Variants in SYDE2 observed in about 807,000 individuals in gnomAD.
The protein encoded by SYDE2 is synapse defective Rho GTPase homolog 2.
SYDE2 carries 76 observed loss-of-function variants against 91.5 expected under a neutral mutation model. The ratio of observed to expected loss-of-function variants is 0.83; its 90% CI spans 0.69 to 1.01. The LOEUF (loss-of-function observed/expected upper bound fraction) is 1.01, where lower values mean the gene tolerates loss of function less well. Among genes scored for constraint, SYDE2 ranks in the 50% least tolerant of loss-of-function variants. The pLI is 0.00. For missense variants in SYDE2, 1,364 were observed against 1,367.7 expected (o/e 1.00, Z 0.04); for synonymous variants, 513 against 506.4 (o/e 1.01, Z -0.18).
rs562537467 is a variant in SYDE2 at position 85,184,665 on chromosome 1, A to C, written c.1442-1465T>G. On this transcript the variant is annotated intron_variant, in intron 2 of 6. Coordinates refer to ENST00000341460, the MANE Select transcript of SYDE2 (RefSeq NM_032184.2). ...AGGCTGAGGCAGATAGGAGTTCAAG[A>C]CCAGCCTGGACAACATGGCAAAACC... is the stretch of plus-strand genomic sequence containing the variant. Among the ~76,000 whole-genome samples, 220 of 152,202 alleles carry C rather than the reference A, an allele frequency of 1.4e-3. 1 individual carries two copies. The highest frequency in any genetic ancestry group is 5.2e-3 in the African/African-American group (215 of 41,522).
Position 85,182,560 on chromosome 1 carries a change from T to G in SYDE2, c.2082A>C (p.Pro694=), listed in dbSNP as rs750207164. ...AGACGTCTTTTGAATCTATCCGAGGTGGTTTTAAATCCTCAGCACCATAGA... is the reference window on the plus strand; with the variant it reads ...AGACGTCTTTTGAATCTATCCGAGGGGGTTTTAAATCCTCAGCACCATAGA... The part of the protein sequence containing the change: ...VHFYGAEDLK[P]PRIDSKDVFC... Residue 694 remains proline (P), a synonymous_variant, in exon 3 of 7, where the codon CCA becomes CCC. Coordinates refer to ENST00000341460, the MANE Select transcript of SYDE2 (RefSeq NM_032184.2). 2 of 1,613,910 alleles carry G rather than the reference T, an allele frequency of 1.2e-6. No individual in the cohort carries two copies. Among genetic ancestry groups the G allele is most frequent in the Non-Finnish European group, 1.7e-6 (2 of 1,179,870 alleles).
downstream of SYDE2, chr1:85,153,063 A>G (rs933556135): frequency 3.7e-4 from 56 of 152,230 alleles, no homozygotes; most frequent in African/African-American, 1.3e-3. Context: ...AGCGAATGAC[A>G]AAAAGGAACT....
At chr1:85,165,060 C>T (rs1174042899) in intron 5 of SYDE2, among the ~76,000 whole-genome samples, 1 of 152,034 alleles carries the variant, frequency 6.6e-6, no homozygotes, top group African/African-American at 2.4e-5. Flanking sequence ...CATGGTGAAA[C>T]CTCATCTCTA....
downstream of SYDE2, chr1:85,152,881 TG>T (rs1360642478): frequency 1.3e-5 from 2 of 152,262 alleles, no homozygotes; most frequent in Non-Finnish European, 2.9e-5. Context: ...TTGGTTTAAA[TG>T]TAAACATTTA....
chr1:85,199,885 G>A (rs1251223652), intron 1 of SYDE2, among the ~76,000 whole-genome samples: 1 of 151,926 alleles, frequency 6.6e-6, no homozygotes, highest in Non-Finnish European at 1.5e-5. Flanking sequence ...GATTTGCCTA[G>A]AGCTACAAAG....
At chr1:85,191,183 A>C (rs1418425746) in intron 1 of SYDE2, among the ~76,000 whole-genome samples, 2 of 152,176 alleles carry the variant, frequency 1.3e-5, no homozygotes, top group African/African-American at 2.4e-5. Flanking sequence ...TTTTCACACA[A>C]AGATTAACTT....
intron 4 of SYDE2, among the ~76,000 whole-genome samples, chr1:85,170,027 CTAAA>C (rs777405074): frequency 1.7e-4 from 26 of 151,802 alleles, no homozygotes; most frequent in Non-Finnish European, 3.4e-4. Context: ...ACACCAAAAC[CTAAA>C]TATATACAAT....
rs746934931 is a variant in SYDE2, at chr1:85,159,017, A to G, written c.3318T>C (p.Asn1106=). ...CATCATCATAATCCACATCATTTAAATTTTCTTTTGTATTTAAAAAGTAGT... is the reference window on the plus strand; with the variant it reads ...CATCATCATAATCCACATCATTTAAGTTTTCTTTTGTATTTAAAAAGTAGT... ...GENYFLNTKE[N]LNDVDYDDVP... is the part of the protein sequence containing the mutation. The change falls in exon 7 of 7, where the codon AAT becomes AAC. Residue 1106 remains asparagine (N), a synonymous_variant. Transcript: ENST00000341460. 3 of 780,600 alleles carry G rather than the reference A, an allele frequency of 3.8e-6. No individual in the cohort carries two copies. Among genetic ancestry groups the G allele is most frequent in the Non-Finnish European group, 7.2e-6 (3 of 417,962 alleles). The allele number at this position is 780,600 out of a possible 1,614,324, so 48.4% of individuals were successfully genotyped here. A position where few individuals can be genotyped will look rare whatever the true frequency, so the allele number is the denominator to read the frequency against.
At chr1:85,194,724 T>G in intron 1 of SYDE2, 1 of 656,556 alleles carries the variant, frequency 1.5e-6, no homozygotes. Context: ...CACACAGTGG[T>G]GAACTACCCA....
chr1:85,182,469 ATGT>A lies in SYDE2; in HGVS notation c.2170_2172del (p.Thr724del), dbSNP rs752142856. On this transcript the variant is annotated inframe_deletion, in exon 3 of 7. Coordinates refer to ENST00000341460, the MANE Select transcript of SYDE2 (RefSeq NM_032184.2). ...TTGAAAGTGTGATCCATGTCTAAAA[ATGT>A]TGTTCGGCATGTGAGCAAAGCTGTT... 15 of 1,613,638 alleles carry A rather than the reference ATGT, an allele frequency of 9.3e-6. No homozygotes were observed. The East Asian group carries it at 1.8e-4, about 19-fold the overall frequency.
chr1:85,194,886 C>G (rs893265361), intron 1 of SYDE2: 9 of 976,300 alleles, frequency 9.2e-6, no homozygotes, highest in Non-Finnish European at 1.1e-5. Flanking sequence ...ACCGGCTGGG[C>G]GCGGTGGCTC....
intron 2 of SYDE2, among the ~76,000 whole-genome samples, chr1:85,188,370 A>G (rs996633438): frequency 3.3e-5 from 5 of 152,234 alleles, no homozygotes; most frequent in Non-Finnish European, 7.3e-5. Flanking sequence ...AAATAAAAAA[A>G]CACAACATTT....
At chr1:85,161,350 G>C (rs1031009667) in intron 6 of SYDE2, among the ~76,000 whole-genome samples, 2 of 152,208 alleles carry the variant, frequency 1.3e-5, no homozygotes, top group South Asian at 4.2e-4. Context: ...TTAAAATCTT[G>C]TAAGAAAGAT....
intron 3 of SYDE2, 62 bp downstream of exon 3, chr1:85,182,033 TCCC>T (rs776866371): frequency 3.5e-6 from 5 of 1,435,470 alleles, no homozygotes; most frequent in Non-Finnish European, 3.7e-6. Context: ...TTGAATTTCT[TCCC>T]CCAAGACTTA....
chr1:85,182,703 C>A lies in SYDE2; in HGVS notation c.1939G>T (p.Glu647Ter), dbSNP rs1459780799. 1.9e-6 allele frequency: 3 copies of A among 1,613,490 alleles called. No homozygotes were observed. The highest frequency in any genetic ancestry group is 2.5e-6 in the Non-Finnish European group (3 of 1,179,776). ...TTGCTACAACTATTTGAAATTATTT[C>A]TTTTCCTTTTCCAAATTTGTTTTCA... ...GSENKFGKGK[E>*]IISNSCSKNE... Residue 647 changes from glutamate (E) to a stop codon, truncating the protein, a stop_gained, in exon 3 of 7, where the codon GAA becomes TAA. Coordinates refer to ENST00000341460, the MANE Select transcript of SYDE2 (RefSeq NM_032184.2). LOFTEE classifies it high-confidence loss of function.
rs994618661 is a variant in SYDE2 at position 85,182,895 on chromosome 1, C to T, written c.1747G>A (p.Ala583Thr). Residue 583 changes from alanine to threonine, a missense_variant, in exon 3 of 7, where the codon GCT becomes ACT. By Grantham distance (58) the Ala-to-Thr change is moderately conservative. Coordinates refer to ENST00000341460, the MANE Select transcript of SYDE2 (RefSeq NM_032184.2). Reference protein sequence around the residue: ...DILPSGNTTTAAKRNVISRYH... With the variant: ...DILPSGNTTTTAKRNVISRYH... The stretch of plus-strand genomic sequence containing the variant: ...CGGCTTATAACATTCCTCTTAGCAG[C>T]GGTGGTTGTGTTCCCAGAGGGCAGA... The T allele has an allele frequency of 7.5e-5, 121 of 1,613,472 alleles. No individual in the cohort carries two copies. Among genetic ancestry groups the T allele is most frequent in the East Asian group, 1.1e-4 (5 of 44,880 alleles).
At position 85,172,444 on chromosome 1, in the gene SYDE2, A is replaced by AT. The variant is rs143586761; in HGVS notation, c.2672-3220dup. Among the ~76,000 whole-genome samples, 738 of 150,960 alleles carry AT rather than the reference A, an allele frequency of 4.9e-3. 1 individual carries two copies. The highest frequency in any genetic ancestry group is 0.014 in the African/African-American group (557 of 41,186). ...TTAATACTGATACCAAATAATATTGATTTTTTTTTTCTCATTGCAATCAGT... is the reference window on the plus strand; with the variant it reads ...TTAATACTGATACCAAATAATATTGATTTTTTTTTTTCTCATTGCAATCAGT... On this transcript the variant is annotated intron_variant, in intron 4 of 6. Coordinates refer to ENST00000341460, the MANE Select transcript of SYDE2 (RefSeq NM_032184.2).
intron 1 of SYDE2, among the ~76,000 whole-genome samples, chr1:85,198,454 T>G (rs1167893175): frequency 6.6e-6 from 1 of 152,034 alleles, no homozygotes; most frequent in Non-Finnish European, 1.5e-5. Context: ...TCCTGAAAAA[T>G]GAATTAGTGG....
chr1:85,174,521 CAT>C (rs1415021022), intron 4 of SYDE2, among the ~76,000 whole-genome samples: 6 of 152,200 alleles, frequency 3.9e-5, no homozygotes, highest in African/African-American at 1.4e-4. Flanking sequence ...CATTCTCTCA[CAT>C]ACAAAACTTA....
Sources: gnomAD v4.1 joint callset for allele counts (sites outside exome capture counted in the v4.1 genomes callset) on GRCh38, gnomAD v4.1.1 for gene constraint, MANE v1.5 for transcripts, NCBI Gene and HGNC (gene_info 2026-07-23, HGNC 2026-07-21) for gene names.